GPLD1: variants seen among roughly 807,000 people sequenced by gnomAD.
GPLD1 encodes phosphatidylinositol-glycan-specific phospholipase D.
Under a neutral mutation model 112.6 loss-of-function variants are expected in GPLD1, and 84 were observed. That is an observed-to-expected ratio of 0.75 (90% CI 0.63 to 0.89). The LOEUF (loss-of-function observed/expected upper bound fraction) is 0.89. GPLD1 is among the 40% of genes least tolerant of loss of function. The pLI, the probability that GPLD1 is intolerant of heterozygous loss-of-function variation, is 0.00. For synonymous variants in GPLD1, 386 were observed against 403.8 expected (o/e 0.96, Z 0.53); for missense variants, 1,044 against 1,051.5 (o/e 0.99, Z 0.10).
intron 7 of GPLD1, among the ~76,000 whole-genome samples, chr6:24,471,452 TAGAC>T (rs1187204012): frequency 2.6e-5 from 4 of 151,688 alleles, no homozygotes; most frequent in Non-Finnish European, 5.9e-5. Context: ...GCCACAGAGT[TAGAC>T]TGGCTCAAAA....
At chr6:24,431,611 G>A (rs571669706) in intron 24 of GPLD1, among the ~76,000 whole-genome samples, 23 of 150,114 alleles carry the variant, frequency 1.5e-4, no homozygotes, top group African/African-American at 2.0e-4. Context: ...CTAGGCTCAC[G>A]GCAACCTCCA....
At chr6:24,433,511 G>A (rs1328594070) in intron 22 of GPLD1, 122 bp from the exon 23 acceptor site, 1 of 473,094 alleles carries the variant, frequency 2.1e-6, no homozygotes, top group South Asian at 2.1e-5. Context: ...TTTTTTTTTT[G>A]AGAAGGAGTC....
intron 23 of GPLD1, 46 bp downstream of exon 23, chr6:24,433,317 T>C (rs764492274): frequency 2.8e-5 from 44 of 1,579,706 alleles, no homozygotes; most frequent in Non-Finnish European, 3.7e-5. Context: ...CCAAGGGGCA[T>C]TGTTTTGGTA....
chr6:24,482,394 C>T (rs1481159432), intron 2 of GPLD1, among the ~76,000 whole-genome samples: 1 of 152,104 alleles, frequency 6.6e-6, no homozygotes, highest in African/African-American at 2.4e-5. Context: ...GATTCTCCTG[C>T]CTCAGCCTCC....
Position 24,437,174 on chromosome 6 carries a change from G to A in GPLD1, c.2136C>T (p.Asp712=). The A allele has an allele frequency of 1.2e-6, 2 of 1,614,156 alleles. No homozygotes were observed. The highest frequency in any genetic ancestry group is 8.5e-7 in the Non-Finnish European group (1 of 1,179,960). Residue 712 remains aspartate (D), a synonymous_variant, in exon 21 of 25, where the codon GAC becomes GAT. Transcript: ENST00000230036. Reference sequence around the variant, plus strand: ...CGCCACCAAATCGGGAGAAGCGGCGGTCTCCGCTGAAGGTGCTGAGCAGCA... The same window carrying A: ...CGCCACCAAATCGGGAGAAGCGGCGATCTCCGCTGAAGGTGCTGAGCAGCA... ...QPLLLSTFSG[D]RRFSRFGGVL...
In GPLD1 at chr6:24,454,136, T is replaced by C. The variant is rs1378310316; in HGVS notation, c.1214A>G (p.Tyr405Cys). ...HGDLVVGAPGYSRPGHIHIGR... is the reference protein window; with the variant it reads ...HGDLVVGAPGCSRPGHIHIGR... ...GATGTGGATGTGGCCGGGGCGGCTGTAGCCTGGTGCGCCCACCACGAGGTC... is the reference window on the plus strand; with the variant it reads ...GATGTGGATGTGGCCGGGGCGGCTGCAGCCTGGTGCGCCCACCACGAGGTC... The change falls in exon 14 of 25, where the codon TAC (tyrosine) becomes TGC (cysteine). Residue 405 changes from tyrosine to cysteine, a missense_variant. Tyr to Cys is a radical substitution (Grantham distance 194). Transcript: ENST00000230036. 1 of 1,613,886 alleles carries C rather than the reference T, an allele frequency of 6.2e-7. No homozygotes were observed. The highest frequency in any genetic ancestry group is 1.7e-5 in the Admixed American group (1 of 59,998).
Position 24,466,633 on chromosome 6 carries a change from T to C in GPLD1, c.821+47A>G, listed in dbSNP as rs1026741963. ...CTGAGAGTTATGTTGGGGGATGGGG[T>C]AAAAAGGCAGAGAGTGATTGGTAAT... is the stretch of plus-strand genomic sequence containing the variant. On this transcript the variant is annotated intron_variant, in intron 10 of 24. Transcript: ENST00000230036. 5 of 1,522,320 alleles carry C rather than the reference T, an allele frequency of 3.3e-6. No homozygotes were observed. The African/African-American group carries it at 5.5e-5, about 17-fold the overall frequency. 94.3% of individuals were successfully genotyped at this position (1,522,320 alleles called of 1,614,324 possible). A position where few individuals can be genotyped will look rare whatever the true frequency, so the allele number is the denominator to read the frequency against.
intron 24 of GPLD1, among the ~76,000 whole-genome samples, chr6:24,429,773 C>G (rs1762345925): frequency 6.6e-6 from 1 of 152,298 alleles, no homozygotes; most frequent in East Asian, 1.9e-4. Context: ...GTCTCGAACT[C>G]CCGACCTCAA....
intron 2 of GPLD1, among the ~76,000 whole-genome samples, chr6:24,483,804 T>C (rs1164538812): frequency 6.6e-6 from 1 of 152,030 alleles, no homozygotes; most frequent in Non-Finnish European, 1.5e-5. Flanking sequence ...AGTACAGTGG[T>C]GTGATCTTGG....
chr6:24,492,285 A>AC (rs1030863684), upstream of GPLD1, among the ~76,000 whole-genome samples: 19 of 152,162 alleles, frequency 1.2e-4, no homozygotes, highest in African/African-American at 3.6e-4. Context: ...TGGGCAGATC[A>AC]CCTGAGGTCA....
intron 20 of GPLD1, among the ~76,000 whole-genome samples, chr6:24,444,093 T>C (rs902893657): frequency 6.6e-6 from 1 of 152,184 alleles, no homozygotes. Context: ...GAACCTCTAC[T>C]CCAGTAATTC....
chr6:24,470,979 T>C (rs901555113), intron 7 of GPLD1, among the ~76,000 whole-genome samples: 5 of 152,220 alleles, frequency 3.3e-5, no homozygotes, highest in African/African-American at 1.2e-4. Flanking sequence ...AAAGTTTTTC[T>C]TGGAACATGA....
Position 24,456,587 on chromosome 6 carries a change from C to T in GPLD1, c.1059G>A (p.Met353Ile). 6.2e-7 allele frequency: 1 copy of T among 1,604,320 alleles called. No homozygotes were observed. The highest frequency in any genetic ancestry group is 8.5e-7 in the Non-Finnish European group (1 of 1,171,226). The change falls in exon 13 of 25, where the codon ATG becomes ATA. Residue 353 changes from methionine (M) to isoleucine (I), a missense_variant. Transcript: ENST00000230036. ...YKALERNIRT[M>I]FIGGSQLSQK... Reference sequence around the variant, plus strand: ...GTGACAACTGAGAGCCACCTATGAACATTGTCCTTATGTTCCTTTCCAAAG... The same window carrying T: ...GTGACAACTGAGAGCCACCTATGAATATTGTCCTTATGTTCCTTTCCAAAG...
intron 6 of GPLD1, 171 bp downstream of exon 6, chr6:24,473,448 C>A (rs187558675): frequency 6.9e-6 from 3 of 436,428 alleles, no homozygotes; most frequent in South Asian, 1.1e-4. Context: ...TTTAGAAATA[C>A]ATCTCTATGT....
chr6:24,495,126 C>T (rs185042766), exon 1 of GPLD1: 1 of 1,382,708 alleles, frequency 7.2e-7, no homozygotes, highest in African/African-American at 1.5e-5. Flanking sequence ...CCCGGCCCAG[C>T]TCCGCTGCTA....
chr6:24,462,617 T>C, intron 11 of GPLD1, 113 bp downstream of exon 11: 2 of 698,712 alleles, frequency 2.9e-6, no homozygotes, highest in South Asian at 1.8e-5. Context: ...GTGACAAATC[T>C]GGAATTTGAA....
chr6:24,483,249 G>A (rs1047497135), intron 2 of GPLD1, among the ~76,000 whole-genome samples: 46 of 151,432 alleles, frequency 3.0e-4, no homozygotes, highest in Admixed American at 7.9e-4. Context: ...AATAATTTGA[G>A]CCTGGGAGGT....
Position 24,436,431 on chromosome 6 carries a change from G to A in GPLD1, c.2358+145C>T, listed in dbSNP as rs554899321. ...ACTGTAAGAACTGCAGGCAGCTGGG[G>A]CCCACAAAACATGGACAGATGATGG... On this transcript the variant is annotated intron_variant, in intron 22 of 24. Coordinates refer to ENST00000230036, the MANE Select transcript of GPLD1 (RefSeq NM_001503.4). 32 of 668,736 alleles carry A rather than the reference G, an allele frequency of 4.8e-5. No individual in the cohort carries two copies. In the East Asian group the frequency reaches 6.9e-4, roughly 14 times the overall value. 41.4% of individuals were successfully genotyped at this position (668,736 alleles called of 1,614,324 possible).
rs372156058 is a variant in GPLD1, at chr6:24,460,296, C to A, written c.991G>T (p.Val331Leu). Residue 331 changes from valine to leucine, a missense_variant, in exon 12 of 25, where the codon GTA becomes TTA. Val to Leu is a conservative substitution (Grantham distance 32). Transcript: ENST00000230036. ...NYTERGVFFS[V>L]NSWTPDSMSF... Reference sequence around the variant, plus strand: ...ATTCTTACCGGGGTCCAGGAATTTACACTAAAGAACACTCCTCTTTCAGTA... The same window carrying A: ...ATTCTTACCGGGGTCCAGGAATTTAAACTAAAGAACACTCCTCTTTCAGTA... 31 of 1,613,638 alleles carry A rather than the reference C, an allele frequency of 1.9e-5. No homozygotes were observed. Among genetic ancestry groups the A allele is most frequent in the East Asian group, 8.9e-5 (4 of 44,870 alleles).
Sources: gnomAD v4.1 joint callset for allele counts (sites outside exome capture counted in the v4.1 genomes callset) on GRCh38, gnomAD v4.1.1 for gene constraint, MANE v1.5 for transcripts, NCBI Gene and HGNC (gene_info 2026-07-23, HGNC 2026-07-21) for gene names.